RP1: variants seen among roughly 807,000 people sequenced by gnomAD.
RP1 encodes the protein oxygen-regulated protein 1.
RP1 carries 16 observed loss-of-function variants against 14.8 expected under a neutral mutation model. The ratio of observed to expected loss-of-function variants is 1.08; its 90% CI spans 0.73 to 1.65. The LOEUF (loss-of-function observed/expected upper bound fraction) is 1.65. Among genes scored for constraint, RP1 ranks in the 40% most tolerant of loss-of-function variants. The probability of loss-of-function intolerance (pLI) is 0.00; values close to 1 mark genes in which losing one functional copy is unlikely to be tolerated. For synonymous variants in RP1, 876 were observed against 883.6 expected, an observed-to-expected ratio of 0.99 and a Z score of 0.15; for missense variants, 2,631 against 2,535.0, an observed-to-expected ratio of 1.04 and a Z score of -0.81.
At chr8:54,870,039 C>T (rs1585763081) in exon 29 of RP1, 2 of 528,194 alleles carry the variant, frequency 3.8e-6, no homozygotes, top group East Asian at 7.1e-5. Flanking sequence ...GGAGCAAACA[C>T]CTGGGGAGGG....
At chr8:54,748,246 G>A (rs572742599) in intron 19 of RP1, among the ~76,000 whole-genome samples, 4 of 152,226 alleles carry the variant, frequency 2.6e-5, no homozygotes, top group South Asian at 4.1e-4. Flanking sequence ...CTTCACTTCA[G>A]GGTTCTAGAA....
At chr8:54,811,783 G>A (rs1811000936) in intron 24 of RP1, among the ~76,000 whole-genome samples, 1 of 152,152 alleles carries the variant, frequency 6.6e-6, no homozygotes, top group Non-Finnish European at 1.5e-5. Flanking sequence ...TTCATATCTT[G>A]AGCTTGACAT....
At chr8:54,681,125 A>G (rs995097258) in intron 12 of RP1, among the ~76,000 whole-genome samples, 3 of 152,100 alleles carry the variant, frequency 2.0e-5, no homozygotes, top group Non-Finnish European at 4.4e-5. Context: ...CCTTCATCCT[A>G]TTCCCTGGGT....
intron 22 of RP1, among the ~76,000 whole-genome samples, chr8:54,767,178 CATTTATGTAT>C (rs1377494945): frequency 6.6e-6 from 1 of 152,080 alleles, no homozygotes; most frequent in Non-Finnish European, 1.5e-5. Flanking sequence ...TACCATAATA[CATTTATGTAT>C]GTTTAATTCT....
chr8:54,689,840 G>A (rs1448993526), intron 12 of RP1, among the ~76,000 whole-genome samples: 1 of 151,906 alleles, frequency 6.6e-6, no homozygotes, highest in Non-Finnish European at 1.5e-5. Flanking sequence ...CCTAATGACA[G>A]TCAGTTATAC....
intron 27 of RP1, among the ~76,000 whole-genome samples, chr8:54,859,628 T>C (rs1812296350): frequency 6.6e-6 from 1 of 151,992 alleles, no homozygotes; most frequent in South Asian, 2.1e-4. Context: ...TAGGGGGTGT[T>C]ACCGTAGATG....
In RP1 at chr8:54,673,792, T is replaced by C. The variant is rs561252269; in HGVS notation, c.1324-58T>C. The C allele has an allele frequency of 6.9e-6, 9 of 1,302,262 alleles. No individual in the cohort carries two copies. The African/African-American group carries it at 1.0e-4, about 15-fold the overall frequency. The allele number at this position is 1,302,262 out of a possible 1,614,324, so 80.7% of individuals were successfully genotyped here. A position where few individuals can be genotyped will look rare whatever the true frequency, so the allele number is the denominator to read the frequency against. On this transcript the variant is annotated intron_variant, in intron 7 of 22. Transcript: ENST00000636932. ...ACAAACACTGCATCTTAATTTATAC[T>C]ATTGGTATAAATCAGAGTTATAGTC...
chr8:54,808,259 G>C (rs1025732383), intron 24 of RP1, among the ~76,000 whole-genome samples: 1 of 152,196 alleles, frequency 6.6e-6, no homozygotes, highest in East Asian at 1.9e-4. Context: ...GGAGTCCACT[G>C]CATGGAGGCC....
intron 28 of RP1, among the ~76,000 whole-genome samples, chr8:54,866,729 T>G (rs1426998012): frequency 6.6e-6 from 1 of 152,120 alleles, no homozygotes; most frequent in Admixed American, 6.6e-5. Flanking sequence ...GCAATCCAGT[T>G]TCTGTCGGCA....
intron 1 of RP1, among the ~76,000 whole-genome samples, chr8:54,586,157 A>T (rs545814348): frequency 6.6e-6 from 1 of 152,188 alleles, no homozygotes; most frequent in African/African-American, 2.4e-5. Context: ...GATGATGGTG[A>T]CAAACAGATG....
chr8:54,771,379 A>T (rs570349877), downstream of RP1, among the ~76,000 whole-genome samples: 2 of 152,074 alleles, frequency 1.3e-5, no homozygotes, highest in Non-Finnish European at 2.9e-5. Flanking sequence ...TAGTTTTAAA[A>T]TGAAGGTTAT....
At chr8:54,842,549 C>A (rs1250881463) in intron 25 of RP1, among the ~76,000 whole-genome samples, 1 of 152,048 alleles carries the variant, frequency 6.6e-6, no homozygotes, top group Non-Finnish European at 1.5e-5. Flanking sequence ...ACACTAAATT[C>A]ATTCCTTCCC....
chr8:54,561,566 A>G (rs1804287197), intron 1 of RP1: 2 of 152,344 alleles, frequency 1.3e-5, no homozygotes, highest in South Asian at 2.1e-4. Context: ...GAAGTTTGGC[A>G]GGCATGACTT....
At chr8:54,613,336 G>A (rs149921448), upstream of RP1, among the ~76,000 whole-genome samples, 2 of 152,258 alleles carry the variant, frequency 1.3e-5, no homozygotes, top group African/African-American at 2.4e-5. Context: ...CTCTGTCCTG[G>A]GTTCCTTGGG....
intron 27 of RP1, among the ~76,000 whole-genome samples, chr8:54,859,347 T>TCGGTGA (rs1261163266): frequency 6.6e-6 from 1 of 150,582 alleles, no homozygotes; most frequent in African/African-American, 2.5e-5. Flanking sequence ...TAGGGTGGTG[T>TCGGTGA]CCCTGTGGAG....
intron 7 of RP1, among the ~76,000 whole-genome samples, chr8:54,671,857 C>G (rs1807188665): frequency 6.6e-6 from 1 of 152,056 alleles, no homozygotes; most frequent in South Asian, 2.1e-4. Flanking sequence ...CCATTCATTT[C>G]TTTGATCGGG....
chr8:54,854,462 T>C (rs1812140264), intron 26 of RP1, among the ~76,000 whole-genome samples: 1 of 152,140 alleles, frequency 6.6e-6, no homozygotes, highest in South Asian at 2.1e-4. Flanking sequence ...CCCAAATCAG[T>C]TTTATGTAAC....
intron 27 of RP1, among the ~76,000 whole-genome samples, chr8:54,863,973 A>G (rs1812406794): frequency 6.6e-6 from 1 of 152,238 alleles, no homozygotes; most frequent in Non-Finnish European, 1.5e-5. Context: ...TTGTTTACCA[A>G]TAATGAATCC....
chr8:54,694,940 TTCTCTTGTGGGCATTTAGTGCTA>T, intron 12 of RP1, among the ~76,000 whole-genome samples: 1 of 152,218 alleles, frequency 6.6e-6, no homozygotes, highest in Admixed American at 6.6e-5. Context: ...CTTTCCTGCT[TTCTCTTGTGGGCATTTAGTGCTA>T]TAAATTTCCC....
Sources: gnomAD v4.1 joint callset for allele counts (sites outside exome capture counted in the v4.1 genomes callset) on GRCh38, gnomAD v4.1.1 for gene constraint, MANE v1.5 for transcripts, NCBI Gene and HGNC (gene_info 2026-07-23, HGNC 2026-07-21) for gene names.